Variants in PGM5 observed in about 807,000 individuals in gnomAD.
PGM5 encodes phosphoglucomutase-like protein 5.
A neutral mutation model predicts 59.2 loss-of-function variants in PGM5; 23 were observed. The ratio of observed to expected loss-of-function variants is 0.39; its 90% CI spans 0.28 to 0.55. The LOEUF (loss-of-function observed/expected upper bound fraction) is 0.55, where lower values mean the gene tolerates loss of function less well. Ranked by LOEUF, PGM5 falls within the 20% of genes least tolerant of loss-of-function variation. The pLI, the probability that PGM5 is intolerant of heterozygous loss-of-function variation, is 0.66. For synonymous variants in PGM5, 214 were observed against 286.0 expected (o/e 0.75, Z 2.54); for missense variants, 574 against 748.3 (o/e 0.77, Z 2.72).
intron 6 of PGM5, among the ~76,000 whole-genome samples, chr9:68,445,565 G>A (rs1226694162): frequency 6.6e-6 from 1 of 152,226 alleles, no homozygotes; most frequent in Non-Finnish European, 1.5e-5. Context: ...ACAACGTGGA[G>A]ATCTTGCATT....
At chr9:68,417,322 T>A (rs782210361) in intron 6 of PGM5, among the ~76,000 whole-genome samples, 1 of 152,200 alleles carries the variant, frequency 6.6e-6, no homozygotes, top group Non-Finnish European at 1.5e-5. Context: ...TTCAGGCTGA[T>A]CCTGCTGAGA....
At chr9:68,369,147 G>A (rs1189277558) in intron 1 of PGM5, among the ~76,000 whole-genome samples, 4 of 152,124 alleles carry the variant, frequency 2.6e-5, no homozygotes, top group East Asian at 1.9e-4. Context: ...CAAGTGAAAC[G>A]TGTCAAGAGT....
At chr9:68,475,489 TAC>T (rs757629340) in intron 7 of PGM5, among the ~76,000 whole-genome samples, 4 of 152,126 alleles carry the variant, frequency 2.6e-5, no homozygotes, top group Admixed American at 6.5e-5. Context: ...TTTACTTGTG[TAC>T]ACACATATAT....
At chr9:68,441,285 G>A (rs1309911988) in intron 6 of PGM5, among the ~76,000 whole-genome samples, 1 of 151,868 alleles carries the variant, frequency 6.6e-6, no homozygotes, top group Non-Finnish European at 1.5e-5. Context: ...CATTTTATGA[G>A]GCTAGCATTA....
At chr9:68,363,324 G>A (rs1170444014) in intron 1 of PGM5, among the ~76,000 whole-genome samples, 1 of 152,304 alleles carries the variant, frequency 6.6e-6, no homozygotes, top group African/African-American at 2.4e-5. Flanking sequence ...AATGTGGCTA[G>A]AGCAACTGAA....
At chr9:68,461,453 G>C (rs1823857585) in intron 6 of PGM5, among the ~76,000 whole-genome samples, 1 of 152,032 alleles carries the variant, frequency 6.6e-6, no homozygotes, top group African/African-American at 2.4e-5. Flanking sequence ...GTTTTGTTAT[G>C]GTCTGGATGT....
chr9:68,413,501 C>T (rs566165642), intron 6 of PGM5, among the ~76,000 whole-genome samples: 1 of 152,182 alleles, frequency 6.6e-6, no homozygotes, highest in Non-Finnish European at 1.5e-5. Flanking sequence ...CTTTCAGAAT[C>T]ACTTACCTAG....
At chr9:68,462,130 C>T (rs569527143) in intron 6 of PGM5, among the ~76,000 whole-genome samples, 110 of 147,908 alleles carry the variant, frequency 7.4e-4, no homozygotes, top group African/African-American at 2.8e-3. Context: ...CCTTCTCACT[C>T]GCAGGAAAAA....
chr9:68,464,865 A>C (rs555023706), intron 6 of PGM5, among the ~76,000 whole-genome samples: 1 of 152,218 alleles, frequency 6.6e-6, no homozygotes, highest in Non-Finnish European at 1.5e-5. Context: ...CTGTATATTA[A>C]CTTATTATTT....
At chr9:68,479,806 C>T (rs1402114393) in intron 8 of PGM5, among the ~76,000 whole-genome samples, 2 of 150,984 alleles carry the variant, frequency 1.3e-5, no homozygotes, top group Non-Finnish European at 3.0e-5. Flanking sequence ...TAGTGGCGGG[C>T]GCCTGTAGTC....
At chr9:68,434,627 C>CATCTCTACTA (rs1382743747) in intron 6 of PGM5, among the ~76,000 whole-genome samples, 1 of 152,086 alleles carries the variant, frequency 6.6e-6, no homozygotes, top group African/African-American at 2.4e-5. Context: ...GACAACATGA[C>CATCTCTACTA]AAAACCCATC....
chr9:68,382,863 G>C (rs1222113853), intron 2 of PGM5, among the ~76,000 whole-genome samples: 13 of 151,722 alleles, frequency 8.6e-5, no homozygotes, highest in Admixed American at 1.3e-4. Flanking sequence ...TTGGAAATCA[G>C]TGTGCTTTGG....
chr9:68,457,754 A>G (rs1180469890), intron 6 of PGM5, among the ~76,000 whole-genome samples: 2 of 152,254 alleles, frequency 1.3e-5, no homozygotes, highest in Non-Finnish European at 2.9e-5. Flanking sequence ...CTTTTAGTTT[A>G]TAGGAGTGAA....
intron 6 of PGM5, chr9:68,405,004 C>G (rs1822768754): frequency 6.6e-6 from 1 of 152,250 alleles, no homozygotes; most frequent in African/African-American, 2.4e-5. Context: ...TCACTCTTAT[C>G]CCTAGGCTCT....
At chr9:68,448,060 G>T (rs958935726) in intron 6 of PGM5, among the ~76,000 whole-genome samples, 9 of 152,166 alleles carry the variant, frequency 5.9e-5, no homozygotes, top group African/African-American at 2.2e-4. Context: ...TGGGGAAGAG[G>T]GAAGAGGAAA....
At chr9:68,362,300 G>C (rs1834592112) in intron 1 of PGM5, among the ~76,000 whole-genome samples, 1 of 152,144 alleles carries the variant, frequency 6.6e-6, no homozygotes, top group Admixed American at 6.6e-5. Flanking sequence ...GGTGACAAAT[G>C]AATTTTGTTT....
In PGM5 at chr9:68,437,818, C is replaced by T. The variant is rs1823463814; in HGVS notation, c.1044-27275C>T. 6.6e-6 allele frequency among the ~76,000 whole-genome samples: 1 copy of T among 152,146 alleles called. No homozygotes were observed. Among genetic ancestry groups the T allele is most frequent in the Non-Finnish European group, 1.5e-5 (1 of 68,024 alleles). ...AATTGCAGTTCTGGCAGTACTGGGC[C>T]TACATTTCCCTATAGCAATATTTGT... is the stretch of plus-strand genomic sequence containing the variant. On this transcript the variant is annotated intron_variant, in intron 6 of 10. Transcript: ENST00000396396. This position sits in a 1 kb window ranked among gnomAD's most constrained non-coding sequence, Gnocchi z 4.1.
chr9:68,478,088 C>T (rs1487035132), intron 7 of PGM5, among the ~76,000 whole-genome samples: 2 of 152,220 alleles, frequency 1.3e-5, no homozygotes, highest in African/African-American at 2.4e-5. Flanking sequence ...CCCAGGATAC[C>T]ACATGTCTCG....
intron 4 of PGM5, among the ~76,000 whole-genome samples, 172 bp from the exon 5 acceptor site, chr9:68,391,362 C>A (rs540923101): frequency 2.0e-5 from 3 of 151,932 alleles, no homozygotes; most frequent in East Asian, 1.9e-4. Flanking sequence ...ATAGTAGATG[C>A]TCAATAAATA....
Sources: allele counts gnomAD v4.1 joint callset (sites outside exome capture counted in the v4.1 genomes callset), GRCh38; gene constraint gnomAD v4.1.1; non-coding constraint Gnocchi (gnomAD v3.1); transcripts MANE v1.5; gene names NCBI Gene and HGNC (gene_info 2026-07-23, HGNC 2026-07-21).